Variants in SLC35E1 observed in about 807,000 individuals in gnomAD.
The protein encoded by SLC35E1 is solute carrier family 35 member E1, also known as solute carrier family 35, member E1.
In SLC35E1, 12 loss-of-function variants were observed where a neutral mutation model predicts 31.0. The observed-to-expected ratio is 0.39, with a 90% confidence interval of 0.25 to 0.63. The LOEUF (loss-of-function observed/expected upper bound fraction) is 0.63. Among genes scored for constraint, SLC35E1 ranks in the 20% least tolerant of loss-of-function variants. SLC35E1 has a pLI of 0.52. For synonymous variants in SLC35E1, 257 were observed against 264.1 expected (o/e 0.97, Z 0.26); for missense variants, 429 against 572.2 (o/e 0.75, Z 2.55).
intron 4 of SLC35E1, among the ~76,000 whole-genome samples, chr19:16,558,184 C>A (rs1268234825): frequency 6.6e-6 from 1 of 152,064 alleles, no homozygotes; most frequent in Admixed American, 6.6e-5. Context: ...GCTGGGATTA[C>A]AGGCAACCAC....
chr19:16,572,368 G>A lies in SLC35E1; in HGVS notation c.-4C>T, dbSNP rs887819606. On this transcript the variant is annotated 5_prime_UTR_variant, in exon 1 of 6. Transcript: ENST00000595753. This position sits in a 1 kb window ranked among gnomAD's most constrained non-coding sequence, Gnocchi z 4.1. ...CGCCCACCGCGGCCGCCGCCATCCT[G>A]CCCGAGCGGCCGCCCCTTCCAGCCC... 3.0e-6 allele frequency: 3 copies of A among 1,004,626 alleles called. No homozygotes were observed. Among genetic ancestry groups the A allele is most frequent in the South Asian group, 4.5e-5 (1 of 22,324 alleles). 62.2% of individuals were successfully genotyped at this position (1,004,626 alleles called of 1,614,324 possible). A position where few individuals can be genotyped will look rare whatever the true frequency, so the allele number is the denominator to read the frequency against.
At chr19:16,558,211 T>A (rs1442765901) in intron 4 of SLC35E1, among the ~76,000 whole-genome samples, 1 of 151,902 alleles carries the variant, frequency 6.6e-6, no homozygotes, top group Non-Finnish European at 1.5e-5. Context: ...GCCCAGCTAA[T>A]TTTTGTATTT....
At chr19:16,557,056 G>C (rs901590668) in intron 4 of SLC35E1, 1 of 446,828 alleles carries the variant, frequency 2.2e-6, no homozygotes, top group South Asian at 1.6e-5. Flanking sequence ...AAGGTGATCG[G>C]TTAGGATTTC....
chr19:16,555,531 T>A lies in SLC35E1; in HGVS notation c.757-134A>T, dbSNP rs2085871590. The A allele has an allele frequency of 3.3e-6, 4 of 1,225,018 alleles. No individual in the cohort carries two copies. The highest frequency in any genetic ancestry group is 2.6e-5 in the Admixed American group (1 of 38,222). 75.9% of individuals were successfully genotyped at this position (1,225,018 alleles called of 1,614,324 possible). Reference sequence around the variant, plus strand: ...AGCCTCATGGTCCACAGGCAGCCAGTCCAGATGTGTCACCAAGAGACACTA... The same window carrying A: ...AGCCTCATGGTCCACAGGCAGCCAGACCAGATGTGTCACCAAGAGACACTA... On this transcript the variant is annotated intron_variant, in intron 4 of 5. Coordinates refer to ENST00000595753, the MANE Select transcript of SLC35E1 (RefSeq NM_024881.5). This position sits in a 1 kb window ranked among gnomAD's most constrained non-coding sequence, Gnocchi z 4.1.
intron 3 of SLC35E1, among the ~76,000 whole-genome samples, chr19:16,567,286 G>A (rs1201432406): frequency 1.3e-5 from 2 of 152,122 alleles, no homozygotes; most frequent in Non-Finnish European, 2.9e-5. Flanking sequence ...CTCCCAAAGT[G>A]CTGGGATTAT....
At chr19:16,557,415 G>C (rs2085880539) in intron 4 of SLC35E1, among the ~76,000 whole-genome samples, 1 of 152,050 alleles carries the variant, frequency 6.6e-6, no homozygotes, top group Non-Finnish European at 1.5e-5. Flanking sequence ...GGATGGTCTC[G>C]ATCTCCTGAC....
In SLC35E1 at chr19:16,560,584, G is replaced by A. The variant is rs542044961; in HGVS notation, c.757-5187C>T. On this transcript the variant is annotated intron_variant, in intron 4 of 5. Transcript: ENST00000595753. ...ATAGAAAAAAACCTAACAGACAGCC[G>A]GGCGTGCCGGCTGGCGCCTGTAATC... Among the ~76,000 whole-genome samples, 100 of 152,258 alleles carry A rather than the reference G, an allele frequency of 6.6e-4. 1 individual carries two copies. The highest frequency in any genetic ancestry group is 5.8e-4 in the East Asian group (3 of 5,188).
At chr19:16,558,377 C>T (rs983717185) in intron 4 of SLC35E1, among the ~76,000 whole-genome samples, 3 of 152,062 alleles carry the variant, frequency 2.0e-5, no homozygotes, top group African/African-American at 7.2e-5. Context: ...CACTCTGTCA[C>T]CCAGGTTGGA....
intron 4 of SLC35E1, among the ~76,000 whole-genome samples, chr19:16,561,598 T>C (rs2085906772): frequency 6.6e-6 from 1 of 152,204 alleles, no homozygotes. Flanking sequence ...TGCCAAGCCA[T>C]TTGGCAACTG....
At position 16,560,735 on chromosome 19, in the gene SLC35E1, G is replaced by A. The variant is rs991131745; in HGVS notation, c.757-5338C>T. On this transcript the variant is annotated intron_variant, in intron 4 of 5. Transcript: ENST00000595753. ...AAATTAGCCAGGAGTGGTGGTGCGC[G>A]CCTACAATTCCAGCTACTCAGGAAG... Among the ~76,000 whole-genome samples the A allele has an allele frequency of 4.7e-5, 7 of 150,488 alleles. No homozygotes were observed. In the East Asian group the frequency reaches 8.0e-4, roughly 17 times the overall value.
intron 4 of SLC35E1, among the ~76,000 whole-genome samples, chr19:16,562,625 T>TTTG (rs1555697517): frequency 5.5e-4 from 84 of 152,032 alleles, no homozygotes; most frequent in Non-Finnish European, 9.1e-4. Flanking sequence ...TATTATAGTA[T>TTTG]TTTGTTTTTC....
At chr19:16,570,971 G>A (rs917405495) in intron 2 of SLC35E1, among the ~76,000 whole-genome samples, 1 of 151,920 alleles carries the variant, frequency 6.6e-6, no homozygotes, top group Non-Finnish European at 1.5e-5. Flanking sequence ...GGTAGTGCAC[G>A]TCTGTAGTCC....
chr19:16,566,384 G>A, intron 4 of SLC35E1, 148 bp downstream of exon 4: 1 of 991,728 alleles, frequency 1.0e-6, no homozygotes, highest in Non-Finnish European at 1.4e-6. Flanking sequence ...TCACCGTGAG[G>A]CATTACAGAG....
At chr19:16,565,356 G>A (rs1367939971) in intron 4 of SLC35E1, 5 of 331,428 alleles carry the variant, frequency 1.5e-5, no homozygotes, top group South Asian at 2.3e-5. Flanking sequence ...GATTACAGGC[G>A]TGCACCACCA....
In SLC35E1 at chr19:16,553,480, C is replaced by A; in HGVS notation, c.*199G>T. 2.4e-6 allele frequency: 1 copy of A among 422,414 alleles called. No individual in the cohort carries two copies. The highest frequency in any genetic ancestry group is 4.2e-5 in the Admixed American group (1 of 23,846). The allele number at this position is 422,414 out of a possible 1,614,324, so 26.2% of individuals were successfully genotyped here. A position where few individuals can be genotyped will look rare whatever the true frequency, so the allele number is the denominator to read the frequency against. On this transcript the variant is annotated 3_prime_UTR_variant, in exon 6 of 6. Transcript: ENST00000595753. ...ACACTGGTCTCTGTTTAGGTTTGCC[C>A]AGAGCTCACGGCCGTCTGCACTGCA...
chr19:16,571,467 AC>A (rs2085957811), intron 2 of SLC35E1, 44 bp downstream of exon 2: 1 of 1,594,222 alleles, frequency 6.3e-7, no homozygotes, highest in African/African-American at 1.3e-5. Context: ...ACAGGGAGGA[AC>A]CCCCTGGAGC....
chr19:16,564,615 C>T (rs2085922798), intron 4 of SLC35E1, among the ~76,000 whole-genome samples: 1 of 152,088 alleles, frequency 6.6e-6, no homozygotes, highest in Non-Finnish European at 1.5e-5. Context: ...CAAGACAGGA[C>T]AATTTGACTA....
At chr19:16,558,365 C>G (rs2085886960) in intron 4 of SLC35E1, among the ~76,000 whole-genome samples, 1 of 151,492 alleles carries the variant, frequency 6.6e-6, no homozygotes, top group Admixed American at 6.6e-5. Context: ...GAGACGGAGT[C>G]TCACTCTGTC....
Position 16,553,637 on chromosome 19 carries a change from CG to C in SLC35E1, c.*41del. The C allele has an allele frequency of 2.1e-6, 3 of 1,413,328 alleles. No homozygotes were observed. The highest frequency in any genetic ancestry group is 1.9e-6 in the Non-Finnish European group (2 of 1,066,798). The allele number at this position is 1,413,328 out of a possible 1,614,324, so 87.5% of individuals were successfully genotyped here. The stretch of plus-strand genomic sequence containing the variant: ...AAGTTTCTGATACTGCTGTGGGGGC[CG>C]GGGAAGGAGTCACCAACAGTCTGGT... On this transcript the variant is annotated 3_prime_UTR_variant, in exon 6 of 6. Coordinates refer to ENST00000595753, the MANE Select transcript of SLC35E1 (RefSeq NM_024881.5).
Sources: allele counts gnomAD v4.1 joint callset (sites outside exome capture counted in the v4.1 genomes callset), GRCh38; gene constraint gnomAD v4.1.1; non-coding constraint Gnocchi (gnomAD v3.1); transcripts MANE v1.5; gene names NCBI Gene and HGNC (gene_info 2026-07-23, HGNC 2026-07-21).